The following GRXCR2 variants were observed in gnomAD, a reference collection of about 807,000 sequenced individuals.
The protein encoded by GRXCR2 is glutaredoxin and cysteine rich domain containing 2, also known as glutaredoxin domain-containing cysteine-rich protein 2.
Under a neutral mutation model 24.8 loss-of-function variants are expected in GRXCR2, and 23 were observed. The observed-to-expected ratio is 0.93, with a 90% CI of 0.67 to 1.32. The LOEUF is 1.32. GRXCR2 is among the 40% of genes most tolerant of loss of function. The probability of loss-of-function intolerance (pLI) is 0.00; values close to 1 mark genes in which losing one functional copy is unlikely to be tolerated. For missense variants in GRXCR2, 315 were observed against 303.4 expected, an observed-to-expected ratio of 1.04 and a Z score of -0.28; for synonymous variants, 130 against 116.1, an observed-to-expected ratio of 1.12 and a Z score of -0.77.
chr5:145,865,496 T>C (rs1330457821), intron 2 of GRXCR2, among the ~76,000 whole-genome samples: 1 of 152,172 alleles, frequency 6.6e-6, no homozygotes, highest in Non-Finnish European at 1.5e-5. Context: ...TATTAAGCTT[T>C]ATTAACATTT....
At chr5:145,909,370 C>T (rs1757132668) in intron 2 of GRXCR2, among the ~76,000 whole-genome samples, 1 of 46,782 alleles carries the variant, frequency 2.1e-5, no homozygotes, top group African/African-American at 2.4e-4. Flanking sequence ...TAGAAGGATT[C>T]GTCTATTTTC....
intron 2 of GRXCR2, among the ~76,000 whole-genome samples, chr5:145,863,366 T>A (rs1203264976): frequency 6.6e-6 from 1 of 152,192 alleles, no homozygotes; most frequent in East Asian, 1.9e-4. Context: ...AAGTATAACC[T>A]TTCACAGCAA....
chr5:145,920,807 T>C (rs1757310995), intron 2 of GRXCR2, among the ~76,000 whole-genome samples: 2 of 152,224 alleles, frequency 1.3e-5, no homozygotes, highest in Admixed American at 1.3e-4. Context: ...GGTGATGTTA[T>C]TAGGAGGCAG....
Position 145,884,777 on chromosome 5 carries a change from A to T in GRXCR2, c.-69-18049T>A, listed in dbSNP as rs533580422. 1.1e-3 allele frequency among the ~76,000 whole-genome samples: 161 copies of T among 152,308 alleles called. No homozygotes were observed. The Middle Eastern group carries it at 0.017, about 16-fold the overall frequency. Reference sequence around the variant, plus strand: ...CAAGCACTTGGGAGTTGGGAAAAAAAATATTCACAGACACCTAGGTTTGCT... The same window carrying T: ...CAAGCACTTGGGAGTTGGGAAAAAATATATTCACAGACACCTAGGTTTGCT... On this transcript the variant is annotated intron_variant, in intron 2 of 3. Coordinates refer to the GRXCR2 transcript ENST00000639411.
intron 2 of GRXCR2, among the ~76,000 whole-genome samples, chr5:145,925,132 C>T (rs1208245932): frequency 6.6e-6 from 1 of 152,128 alleles, no homozygotes; most frequent in African/African-American, 2.4e-5. Flanking sequence ...ATTACCATTC[C>T]GGTCTCACAG....
intron 2 of GRXCR2, among the ~76,000 whole-genome samples, chr5:145,927,819 T>C (rs1757421736): frequency 6.6e-6 from 1 of 152,102 alleles, no homozygotes; most frequent in Admixed American, 6.6e-5. Flanking sequence ...ACCTAGGCAA[T>C]AACATTCAGG....
chr5:145,878,046 G>A (rs887678473), intron 2 of GRXCR2, among the ~76,000 whole-genome samples: 2 of 152,190 alleles, frequency 1.3e-5, no homozygotes, highest in East Asian at 1.9e-4. Context: ...TGTAGGTCAC[G>A]AACATCAAAG....
At chr5:145,902,465 T>C (rs1757037284) in intron 2 of GRXCR2, among the ~76,000 whole-genome samples, 1 of 152,120 alleles carries the variant, frequency 6.6e-6, no homozygotes, top group African/African-American at 2.4e-5. Context: ...TATGACTAAT[T>C]CTGCAAAAAC....
At chr5:145,920,284 G>A (rs781249152) in intron 2 of GRXCR2, among the ~76,000 whole-genome samples, 54 of 152,212 alleles carry the variant, frequency 3.5e-4, no homozygotes, top group Non-Finnish European at 6.9e-4. Flanking sequence ...CATCAGCATC[G>A]CCTGAAAGCT....
At chr5:145,931,363 T>G (rs1757475405) in intron 2 of GRXCR2, among the ~76,000 whole-genome samples, 1 of 152,160 alleles carries the variant, frequency 6.6e-6, no homozygotes, top group African/African-American at 2.4e-5. Context: ...TGGTTCCAAC[T>G]GTTTCCTATT....
chr5:145,919,590 G>A (rs1757295919), intron 2 of GRXCR2, among the ~76,000 whole-genome samples: 1 of 152,128 alleles, frequency 6.6e-6, no homozygotes, highest in African/African-American at 2.4e-5. Flanking sequence ...GACAAAGAAG[G>A]GTTTAAGTAT....
At chr5:145,908,230 A>C (rs1430321256) in intron 2 of GRXCR2, among the ~76,000 whole-genome samples, 1 of 152,238 alleles carries the variant, frequency 6.6e-6, no homozygotes, top group Non-Finnish European at 1.5e-5. Flanking sequence ...ATTTTTAAAA[A>C]ACAGTTTTCA....
At chr5:145,891,709 A>G (rs1172292708) in intron 2 of GRXCR2, among the ~76,000 whole-genome samples, 3 of 152,230 alleles carry the variant, frequency 2.0e-5, no homozygotes, top group Non-Finnish European at 2.9e-5. Flanking sequence ...CTCTGGGGGC[A>G]GGGCATAGCC....
chr5:145,909,884 GCCCTCAC>G, intron 2 of GRXCR2, among the ~76,000 whole-genome samples: 1 of 151,898 alleles, frequency 6.6e-6, no homozygotes, highest in Non-Finnish European at 1.5e-5. Flanking sequence ...TCTACCCCCC[GCCCTCAC>G]CCCTCGCTTC....
At chr5:145,912,957 T>C (rs1757187319) in intron 2 of GRXCR2, among the ~76,000 whole-genome samples, 1 of 152,216 alleles carries the variant, frequency 6.6e-6, no homozygotes, top group Admixed American at 6.5e-5. Flanking sequence ...ACGCTCTGAT[T>C]TACATTTTTA....
At chr5:145,892,453 T>C (rs980843944) in intron 2 of GRXCR2, among the ~76,000 whole-genome samples, 1 of 152,160 alleles carries the variant, frequency 6.6e-6, no homozygotes, top group African/African-American at 2.4e-5. Context: ...CTGATGGAGC[T>C]GAAAACCATG....
chr5:145,927,462 C>T (rs951117381), intron 2 of GRXCR2, among the ~76,000 whole-genome samples: 1 of 152,062 alleles, frequency 6.6e-6, no homozygotes, highest in Admixed American at 6.6e-5. Context: ...GTGTCAAAGG[C>T]CTTTTCTGCA....
At chr5:145,881,206 A>G (rs1360867231) in intron 2 of GRXCR2, among the ~76,000 whole-genome samples, 1 of 152,224 alleles carries the variant, frequency 6.6e-6, no homozygotes, top group Non-Finnish European at 1.5e-5. Flanking sequence ...AAAGAAATAA[A>G]GGGTATTCAA....
chr5:145,873,748 G>T (rs945175146), upstream of GRXCR2, among the ~76,000 whole-genome samples: 3 of 152,172 alleles, frequency 2.0e-5, no homozygotes, highest in African/African-American at 7.2e-5. Flanking sequence ...ACCTCCACTT[G>T]GTATGTATTT....
Sources: gnomAD v4.1 joint callset for allele counts (sites outside exome capture counted in the v4.1 genomes callset) on GRCh38, gnomAD v4.1.1 for gene constraint, MANE v1.5 for transcripts, NCBI Gene and HGNC (gene_info 2026-07-23, HGNC 2026-07-21) for gene names.